FRK: variants seen among roughly 807,000 people sequenced by gnomAD.
The protein encoded by FRK is tyrosine-protein kinase FRK.
Under a neutral mutation model 56.4 loss-of-function variants are expected in FRK, and 51 were observed. The ratio of observed to expected loss-of-function variants is 0.90; its 90% CI spans 0.72 to 1.14. FRK has a LOEUF of 1.14. Ranked by LOEUF, FRK falls within the 50% of genes most tolerant of loss-of-function variation. The probability of loss-of-function intolerance (pLI) is 0.00; values close to 1 mark genes in which losing one functional copy is unlikely to be tolerated. For synonymous variants in FRK, 245 were observed against 217.9 expected (o/e 1.12, Z -1.10); for missense variants, 570 against 601.4 (o/e 0.95, Z 0.55).
At chr6:116,029,081 A>G (rs1007090896) in intron 1 of FRK, among the ~76,000 whole-genome samples, 1 of 152,056 alleles carries the variant, frequency 6.6e-6, no homozygotes, top group African/African-American at 2.4e-5. Context: ...CTCCTTCCTC[A>G]GGGACTTTTC....
intron 1 of FRK, among the ~76,000 whole-genome samples, chr6:116,036,706 T>G (rs1776495693): frequency 6.6e-6 from 1 of 151,852 alleles, no homozygotes; most frequent in Non-Finnish European, 1.5e-5. Context: ...GTAATATTCT[T>G]TTGAAAAGGA....
intron 1 of FRK, among the ~76,000 whole-genome samples, chr6:116,005,551 T>C (rs767596626): frequency 1.3e-5 from 2 of 152,088 alleles, no homozygotes; most frequent in Admixed American, 6.6e-5. Context: ...TCCCAGAAGG[T>C]AGAAAATTGG....
At chr6:116,083,256 T>C in the FRK span, among the ~76,000 whole-genome samples, 19 of 152,288 alleles carry the variant, frequency 1.2e-4, no homozygotes, top group South Asian at 3.3e-3. Flanking sequence ...TTCACCTTCA[T>C]GTGCTTAAGA....
chr6:116,039,209 A>C (rs1025791032), intron 1 of FRK: 3 of 1,447,656 alleles, frequency 2.1e-6, no homozygotes, highest in Non-Finnish European at 2.9e-6. Context: ...ATCGCAGATA[A>C]CGTGAAGGAC....
At position 115,956,599 on chromosome 6, in the gene FRK, G is replaced by C. The variant is rs753016460; in HGVS notation, c.811C>G (p.Pro271Ala). The change falls in exon 5 of 8, where the codon CCA (proline) becomes GCA (alanine). Residue 271 changes from proline to alanine, a missense_variant. By Grantham distance (27) the Pro-to-Ala change is conservative (BLOSUM62 -1). Coordinates refer to ENST00000606080, the MANE Select transcript of FRK (RefSeq NM_002031.3). ...VKTLKPGSMD[P>A]NDFLREAQIM... ...TGTGCCTCCCTCAGGAAGTCATTTG[G>C]ATCCATTGAACCTGAAACAAGAAGA... is the stretch of plus-strand genomic sequence containing the variant. 9 of 1,561,680 alleles carry C rather than the reference G, an allele frequency of 5.8e-6. No individual in the cohort carries two copies. The African/African-American group carries it at 1.2e-4, about 21-fold the overall frequency.
At chr6:116,093,527 A>C in the FRK span, among the ~76,000 whole-genome samples, 1 of 152,220 alleles carries the variant, frequency 6.6e-6, no homozygotes, top group South Asian at 2.1e-4. Flanking sequence ...GAGAGTTTGG[A>C]GATACCTGGT....
chr6:116,039,894 G>A lies in FRK; in HGVS notation c.344+20074C>T, dbSNP rs1776647219. Among the ~76,000 whole-genome samples, 4 of 149,950 alleles carry A rather than the reference G, an allele frequency of 2.7e-5. No homozygotes were observed. The South Asian group carries it at 8.4e-4, about 32-fold the overall frequency. On this transcript the variant is annotated intron_variant, in intron 1 of 7. Coordinates refer to ENST00000606080, the MANE Select transcript of FRK (RefSeq NM_002031.3). ...TCTCCCACGGTGCCCGCGCCTGTGT[G>A]TGCTGTGTATGTGAACCACCCACGT...
At chr6:115,947,849 C>G (rs1010968458) in intron 5 of FRK, among the ~76,000 whole-genome samples, 4 of 152,056 alleles carry the variant, frequency 2.6e-5, no homozygotes, top group Non-Finnish European at 5.9e-5. Flanking sequence ...AATAGCTAGG[C>G]CTTTTGATAT....
the FRK span, among the ~76,000 whole-genome samples, chr6:116,078,610 C>T: frequency 1.3e-5 from 2 of 152,150 alleles, no homozygotes; most frequent in Middle Eastern, 3.2e-3. Context: ...AGCTAACATA[C>T]AGAAGAGTGC....
chr6:116,004,089 A>G lies in FRK; in HGVS notation c.345-91T>C, dbSNP rs1368738053. ...CTGGCAAGATAGTATTCTAATATCA[A>G]AAATGTTTGGTATTCTTTAGTAAAA... On this transcript the variant is annotated intron_variant, in intron 1 of 7. Transcript: ENST00000606080. 3.4e-6 allele frequency: 4 copies of G among 1,161,614 alleles called. No homozygotes were observed. The African/African-American group carries it at 4.6e-5, about 13-fold the overall frequency. The allele number at this position is 1,161,614 out of a possible 1,614,324, so 72.0% of individuals were successfully genotyped here. A position where few individuals can be genotyped will look rare whatever the true frequency, so the allele number is the denominator to read the frequency against.
chr6:115,956,495 A>C lies in FRK; in HGVS notation c.915T>G (p.Ile305Met), dbSNP rs1315906635. The change falls in exon 5 of 8, where the codon ATT becomes ATG. Residue 305 changes from isoleucine (I) to methionine (M), a missense_variant. Ile to Met is a conservative substitution (Grantham distance 10). Coordinates refer to ENST00000606080, the MANE Select transcript of FRK (RefSeq NM_002031.3). ...GACTTCCATGTCTCATCAACTCTGT[A>C]ATAATATAAATTGGATCTTCTAAAG... ...VCTLEDPIYIITELMRHGSLQ... is the reference protein window; with the variant it reads ...VCTLEDPIYIMTELMRHGSLQ... 4 of 1,579,228 alleles carry C rather than the reference A, an allele frequency of 2.5e-6. No homozygotes were observed. Among genetic ancestry groups the C allele is most frequent in the Non-Finnish European group, 3.4e-6 (4 of 1,162,930 alleles).
Position 115,988,410 on chromosome 6 carries a change from A to C in FRK, c.466+15467T>G, listed in dbSNP as rs892248371. Among the ~76,000 whole-genome samples the C allele has an allele frequency of 1.1e-4, 17 of 152,192 alleles. No homozygotes were observed. The South Asian group carries it at 3.5e-3, about 32-fold the overall frequency. On this transcript the variant is annotated intron_variant, in intron 2 of 7. Coordinates refer to ENST00000606080, the MANE Select transcript of FRK (RefSeq NM_002031.3). ...AATTTTTTGACGTTCATAAAGCAAA[A>C]CTGCTACTGTATGGAAGTGGTTTCA...
intron 1 of FRK, among the ~76,000 whole-genome samples, chr6:116,025,027 C>A (rs1039870537): frequency 6.6e-6 from 1 of 152,092 alleles, no homozygotes; most frequent in Non-Finnish European, 1.5e-5. Context: ...TGATGGTGAG[C>A]ATTTTTTCAT....
In FRK at chr6:115,958,713, A is replaced by G. The variant is rs1331419488; in HGVS notation, c.800-2103T>C. On this transcript the variant is annotated intron_variant, in intron 4 of 7. Transcript: ENST00000606080. ...GAAAGAAAGAAAGAAAGAAGAAAGAAAGAAAGAAAGAAAGAAAGAAAGAAA... is the reference window on the plus strand; with the variant it reads ...GAAAGAAAGAAAGAAAGAAGAAAGAGAGAAAGAAAGAAAGAAAGAAAGAAA... 5.0e-4 allele frequency among the ~76,000 whole-genome samples: 7 copies of G among 14,010 alleles called. No homozygotes were observed. In the South Asian group the frequency reaches 0.029, roughly 59 times the overall value. The allele number at this position is 14,010 out of a possible 152,430, so 9.2% of individuals were successfully genotyped here. A position where few individuals can be genotyped will look rare whatever the true frequency, so the allele number is the denominator to read the frequency against.
the FRK span, among the ~76,000 whole-genome samples, chr6:116,098,122 TTTTTTA>T: frequency 2.1e-4 from 28 of 132,338 alleles, no homozygotes; most frequent in East Asian, 6.2e-4. Context: ...TTTTTTTTTT[TTTTTTA>T]AAAGACAGGG....
intron 6 of FRK, 35 bp from the exon 7 acceptor site, chr6:115,943,220 G>A: frequency 1.3e-6 from 2 of 1,499,138 alleles, no homozygotes; most frequent in Non-Finnish European, 1.8e-6. Flanking sequence ...CCGAGTTAAA[G>A]CAATTTTTTT....
chr6:116,080,199 A>T, the FRK span, among the ~76,000 whole-genome samples: 1 of 152,202 alleles, frequency 6.6e-6, no homozygotes, highest in Non-Finnish European at 1.5e-5. Flanking sequence ...GATGGTCACC[A>T]GGTTGGAGTA....
chr6:115,958,520 C>T (rs1286178965), intron 4 of FRK, among the ~76,000 whole-genome samples: 6 of 151,246 alleles, frequency 4.0e-5, no homozygotes, highest in African/African-American at 9.7e-5. Context: ...CCCAGCTACT[C>T]GGGAGGCTGA....
chr6:116,099,078 A>G, the FRK span, among the ~76,000 whole-genome samples: 3 of 152,198 alleles, frequency 2.0e-5, no homozygotes, highest in African/African-American at 7.2e-5. Context: ...ATGTGCATGT[A>G]ATAGCCAGAT....
Sources: gnomAD v4.1 joint callset for allele counts (sites outside exome capture counted in the v4.1 genomes callset) on GRCh38, gnomAD v4.1.1 for gene constraint, MANE v1.5 for transcripts, NCBI Gene and HGNC (gene_info 2026-07-23, HGNC 2026-07-21) for gene names.